Variants in EPHA6 observed in about 807,000 individuals in gnomAD.
EPHA6 encodes EPH receptor A6.
Under a neutral mutation model 112.0 loss-of-function variants are expected in EPHA6, and 50 were observed. That is an observed-to-expected ratio of 0.45 (90% CI 0.36 to 0.56). The LOEUF is 0.56. EPHA6 is among the 20% of genes least tolerant of loss of function. The probability of loss-of-function intolerance (pLI) is 0.00; values close to 1 mark genes in which losing one functional copy is unlikely to be tolerated. For synonymous variants in EPHA6, 529 were observed against 490.7 expected, an observed-to-expected ratio of 1.08 and a Z score of -1.03; for missense variants, 1,280 against 1,417.4, an observed-to-expected ratio of 0.90 and a Z score of 1.56.
intron 13 of EPHA6, among the ~76,000 whole-genome samples, chr3:97,613,299 A>T (rs1027307663): frequency 6.6e-6 from 1 of 152,154 alleles, no homozygotes; most frequent in Non-Finnish European, 1.5e-5. Context: ...CAGCTTTAGA[A>T]CATAATCACA....
intron 16 of EPHA6, among the ~76,000 whole-genome samples, chr3:97,743,893 T>C (rs1341673928): frequency 6.6e-6 from 1 of 152,016 alleles, no homozygotes; most frequent in Non-Finnish European, 1.5e-5. Context: ...ACTTCTTGCT[T>C]TTTAATGGTA....
intron 5 of EPHA6, among the ~76,000 whole-genome samples, chr3:97,388,442 G>C (rs1275112196): frequency 6.6e-6 from 1 of 152,118 alleles, no homozygotes; most frequent in Non-Finnish European, 1.5e-5. Flanking sequence ...CTCGAGGAGG[G>C]AGTTAGGAAG....
intron 6 of EPHA6, among the ~76,000 whole-genome samples, chr3:97,417,793 A>G (rs540907112): frequency 6.6e-6 from 1 of 152,314 alleles, no homozygotes; most frequent in Admixed American, 6.5e-5. Flanking sequence ...TACTGAAGGA[A>G]AACTGAAGTA....
intron 5 of EPHA6, among the ~76,000 whole-genome samples, chr3:97,394,454 A>C (rs2086590120): frequency 6.6e-6 from 1 of 151,932 alleles, no homozygotes. Flanking sequence ...TCTGCACAGC[A>C]AAGGAAATAA....
chr3:97,646,256 G>A (rs1441888354), intron 14 of EPHA6: 4 of 1,534,806 alleles, frequency 2.6e-6, no homozygotes, highest in African/African-American at 1.4e-5. Context: ...GAAGGGCCAT[G>A]GGAGCCAGTG....
At chr3:96,868,035 T>A (rs1475152961) in intron 2 of EPHA6, among the ~76,000 whole-genome samples, 1 of 152,006 alleles carries the variant, frequency 6.6e-6, no homozygotes, top group Non-Finnish European at 1.5e-5. Context: ...ATTATGCTTT[T>A]ATCTTCATTG....
chr3:97,063,719 T>C (rs1374088324), intron 3 of EPHA6, among the ~76,000 whole-genome samples: 1 of 151,884 alleles, frequency 6.6e-6, no homozygotes, highest in East Asian at 1.9e-4. Flanking sequence ...TTTAAAAATA[T>C]AAAAGAAAGG....
intron 11 of EPHA6, among the ~76,000 whole-genome samples, chr3:97,544,540 G>T (rs2092917182): frequency 6.6e-6 from 1 of 152,156 alleles, no homozygotes; most frequent in Non-Finnish European, 1.5e-5. Context: ...CAAGGACATT[G>T]GTCTAAAATT....
chr3:96,960,444 T>C (rs1008004652), intron 2 of EPHA6, among the ~76,000 whole-genome samples: 2 of 152,158 alleles, frequency 1.3e-5, no homozygotes, highest in Non-Finnish European at 2.9e-5. Context: ...TTCCCTCTTA[T>C]AGTTAAGTGT....
intron 5 of EPHA6, among the ~76,000 whole-genome samples, chr3:97,324,285 C>T (rs980086602): frequency 1.3e-5 from 2 of 151,992 alleles, no homozygotes; most frequent in Non-Finnish European, 2.9e-5. Flanking sequence ...AGCTCCCTTC[C>T]TCTGAATACA....
chr3:97,634,248 C>T (rs1482456639), intron 13 of EPHA6, among the ~76,000 whole-genome samples: 2 of 152,000 alleles, frequency 1.3e-5, no homozygotes, highest in African/African-American at 4.8e-5. Context: ...AAAATAAGAC[C>T]TGTAAAAACC....
chr3:97,151,537 C>A (rs1012823541), intron 3 of EPHA6, among the ~76,000 whole-genome samples: 1 of 152,010 alleles, frequency 6.6e-6, no homozygotes, highest in Non-Finnish European at 1.5e-5. Flanking sequence ...TCAGAGCTGG[C>A]CATTTGAGCA....
At chr3:96,935,761 A>ATG (rs141358511) in intron 2 of EPHA6, among the ~76,000 whole-genome samples, 7,165 of 147,832 alleles carry the variant, frequency 0.048, 229 homozygotes, top group East Asian at 0.1. Flanking sequence ...CATTATATAT[A>ATG]TGTGTGTGTG....
intron 1 of EPHA6, among the ~76,000 whole-genome samples, chr3:96,835,204 C>T (rs2034332719): frequency 6.6e-6 from 1 of 151,986 alleles, no homozygotes; most frequent in South Asian, 2.1e-4. Flanking sequence ...ATTGGAGATA[C>T]AAATATGAGT....
At chr3:96,904,652 A>C (rs542112129) in intron 2 of EPHA6, among the ~76,000 whole-genome samples, 2 of 152,012 alleles carry the variant, frequency 1.3e-5, no homozygotes, top group South Asian at 4.1e-4. Flanking sequence ...GTTGAAGTTT[A>C]TTTTATTGAA....
At chr3:97,411,052 T>A (rs2087679952) in intron 6 of EPHA6, among the ~76,000 whole-genome samples, 1 of 152,032 alleles carries the variant, frequency 6.6e-6, no homozygotes. Context: ...CAGCAAGTTT[T>A]TTTTTTTTTC....
rs149762274 is a variant in EPHA6 at position 96,958,983 on chromosome 3, G to A, written c.451-28347G>A. ...TGCCGCTGTGAACATTCATGTACAA[G>A]TTTTTGTAAAGCGTATGTTTTAAAT... On this transcript the variant is annotated intron_variant, in intron 2 of 17. Coordinates refer to ENST00000389672, the MANE Select transcript of EPHA6 (RefSeq NM_001080448.3). 2.9e-3 allele frequency among the ~76,000 whole-genome samples: 447 copies of A among 152,270 alleles called. 4 individuals are homozygous for A. The highest frequency in any genetic ancestry group is 9.7e-3 in the African/African-American group (405 of 41,554).
intron 14 of EPHA6, among the ~76,000 whole-genome samples, chr3:97,686,031 G>C (rs1214549326): frequency 2.0e-4 from 31 of 152,030 alleles, no homozygotes; most frequent in Non-Finnish European, 4.6e-4. Context: ...AGTAACTCAA[G>C]CAAGATCTGT....
intron 5 of EPHA6, among the ~76,000 whole-genome samples, chr3:97,313,022 G>A (rs1367094105): frequency 2.0e-5 from 3 of 151,484 alleles, no homozygotes; most frequent in East Asian, 1.9e-4. Context: ...TTGCCAGTCT[G>A]TGTGAAACTT....
Sources: gnomAD v4.1 joint callset for allele counts (sites outside exome capture counted in the v4.1 genomes callset) on GRCh38, gnomAD v4.1.1 for gene constraint, MANE v1.5 for transcripts, NCBI Gene and HGNC (gene_info 2026-07-23, HGNC 2026-07-21) for gene names.